UBE2D4: variants seen among roughly 807,000 people sequenced by gnomAD.
The protein encoded by UBE2D4 is ubiquitin-conjugating enzyme E2 D4.
In UBE2D4, 17 loss-of-function variants were observed where a neutral mutation model predicts 23.0. The observed-to-expected ratio is 0.74, with a 90% CI of 0.51 to 1.11. The LOEUF (loss-of-function observed/expected upper bound fraction) is 1.11, where lower values mean the gene tolerates loss of function less well. Among genes scored for constraint, UBE2D4 ranks in the 50% least tolerant of loss-of-function variants. The pLI is 0.00. For synonymous variants in UBE2D4, 61 were observed against 69.4 expected (o/e 0.88, Z 0.60); for missense variants, 139 against 181.8 (o/e 0.76, Z 1.35).
rs909846712 is a variant in UBE2D4, at chr7:43,953,524, A to G, written c.*829A>G. ...GACTAGAACACAAGGAGGGAGAGAG[A>G]CTCTTAAACGTAAATAAAAATGCAA... On this transcript the variant is annotated 3_prime_UTR_variant, in exon 7 of 7. Coordinates refer to ENST00000222402, the MANE Select transcript of UBE2D4 (RefSeq NM_015983.4). 9.0e-6 allele frequency: 2 copies of G among 221,702 alleles called. No homozygotes were observed. Among genetic ancestry groups the G allele is most frequent in the Non-Finnish European group, 1.8e-5 (2 of 108,966 alleles). The allele number at this position is 221,702 out of a possible 1,614,324, so 13.7% of individuals were successfully genotyped here.
At chr7:43,940,432 G>C (rs2095968963) in intron 2 of UBE2D4, among the ~76,000 whole-genome samples, 1 of 152,158 alleles carries the variant, frequency 6.6e-6, no homozygotes. Context: ...ACTAGTTCTT[G>C]TTTAGCCTTA....
intron 1 of UBE2D4, among the ~76,000 whole-genome samples, chr7:43,934,174 C>T (rs139783697): frequency 1.4e-3 from 210 of 152,188 alleles, no homozygotes; most frequent in African/African-American, 4.8e-3. Flanking sequence ...AGGAAGGTAC[C>T]ACCTACCCTC....
chr7:43,935,135 G>T (rs1009426732), intron 1 of UBE2D4, among the ~76,000 whole-genome samples: 1 of 152,116 alleles, frequency 6.6e-6, no homozygotes, highest in African/African-American at 2.4e-5. Context: ...GTCTTTTTAT[G>T]TACATTGTTT....
intron 5 of UBE2D4, among the ~76,000 whole-genome samples, chr7:43,950,349 AG>A (rs1353064599): frequency 7.7e-6 from 1 of 129,782 alleles, no homozygotes; most frequent in Non-Finnish European, 1.7e-5. Context: ...TCAGTGGAGA[AG>A]GGGAATGAGA....
intron 5 of UBE2D4, among the ~76,000 whole-genome samples, chr7:43,949,860 TA>T (rs202087975): frequency 3.9e-5 from 6 of 152,038 alleles, no homozygotes; most frequent in East Asian, 1.9e-4. Flanking sequence ...AGAATTTCTT[TA>T]TTTTTTTTTT....
chr7:43,943,367 C>T (rs942709346), intron 4 of UBE2D4: 7 of 390,566 alleles, frequency 1.8e-5, no homozygotes, highest in South Asian at 4.1e-5. Flanking sequence ...GGTTCTCAGC[C>T]GGGGTGATTT....
At chr7:43,950,366 G>A (rs777698892) in intron 5 of UBE2D4, among the ~76,000 whole-genome samples, 45 of 152,070 alleles carry the variant, frequency 3.0e-4, no homozygotes, top group Non-Finnish European at 5.1e-4. Flanking sequence ...TGAGAACCAG[G>A]ATGCACCCAG....
At chr7:43,940,606 C>T (rs1019971841) in intron 2 of UBE2D4, among the ~76,000 whole-genome samples, 14 of 152,142 alleles carry the variant, frequency 9.2e-5, no homozygotes, top group East Asian at 1.9e-4. Context: ...ATTTCACACC[C>T]GCCTCATGGG....
In UBE2D4 at chr7:43,954,675, G is replaced by A. The variant is rs1197521966; in HGVS notation, c.*1980G>A. 1 of 152,208 alleles carries A rather than the reference G, an allele frequency of 6.6e-6. No homozygotes were observed. The highest frequency in any genetic ancestry group is 1.5e-5 in the Non-Finnish European group (1 of 68,038). 9.4% of individuals were successfully genotyped at this position (152,208 alleles called of 1,614,324 possible). ...GAATGCTGTTACCAGTGTCCTCTAG[G>A]AAGGCTGTTAGCATATGGCTCTACT... On this transcript the variant is annotated 3_prime_UTR_variant, in exon 7 of 7. Transcript: ENST00000222402.
At position 43,953,972 on chromosome 7, in the gene UBE2D4, G is replaced by C. The variant is rs912027579; in HGVS notation, c.*1277G>C. On this transcript the variant is annotated 3_prime_UTR_variant, in exon 7 of 7. Coordinates refer to ENST00000222402, the MANE Select transcript of UBE2D4 (RefSeq NM_015983.4). ...CAGATGGGGCTTTTGCCGGCTGATT[G>C]AAAGGAAGTCTACAGACCTAACATA... 1.3e-5 allele frequency: 2 copies of C among 152,238 alleles called. No homozygotes were observed. The highest frequency in any genetic ancestry group is 2.9e-5 in the Non-Finnish European group (2 of 68,054). The allele number at this position is 152,238 out of a possible 1,614,324, so 9.4% of individuals were successfully genotyped here.
chr7:43,926,674 C>G, intron 1 of UBE2D4, 118 bp downstream of exon 1: 1 of 1,138,510 alleles, frequency 8.8e-7, no homozygotes, highest in South Asian at 1.7e-5. Context: ...ATACACCTGC[C>G]TGGGAAGGAG....
At chr7:43,950,740 GCT>G in intron 6 of UBE2D4, 48 bp downstream of exon 6, 3 of 1,450,590 alleles carry the variant, frequency 2.1e-6, no homozygotes, top group Non-Finnish European at 1.9e-6. Flanking sequence ...GCCCCAGGCA[GCT>G]CCATGCAGTA....
intron 1 of UBE2D4, among the ~76,000 whole-genome samples, chr7:43,932,659 A>T (rs2095948438): frequency 6.6e-6 from 1 of 151,922 alleles, no homozygotes; most frequent in African/African-American, 2.4e-5. Context: ...CGGGCATATT[A>T]GTAGGTGCCT....
chr7:43,926,786 T>C (rs532012013), intron 1 of UBE2D4, among the ~76,000 whole-genome samples: 626 of 152,302 alleles, frequency 4.1e-3, no homozygotes, highest in Non-Finnish European at 7.5e-3. Context: ...GGCTGCGTCA[T>C]GCGGGCGGGG....
chr7:43,945,640 G>A (rs1325075473), intron 4 of UBE2D4, among the ~76,000 whole-genome samples: 2 of 149,290 alleles, frequency 1.3e-5, no homozygotes, highest in African/African-American at 4.8e-5. Flanking sequence ...TCGAAAGTAA[G>A]TTTAAAAAAA....
intron 1 of UBE2D4, among the ~76,000 whole-genome samples, chr7:43,934,996 A>G (rs926371237): frequency 6.6e-6 from 1 of 152,196 alleles, no homozygotes; most frequent in African/African-American, 2.4e-5. Flanking sequence ...CCTTGTTACC[A>G]TGTATTCAGC....
intron 5 of UBE2D4, among the ~76,000 whole-genome samples, chr7:43,950,287 T>C (rs898099807): frequency 7.9e-5 from 12 of 152,170 alleles, no homozygotes; most frequent in Admixed American, 7.2e-4. Flanking sequence ...AGGTTCATGA[T>C]GTAGGGTACA....
At chr7:43,930,391 A>G in intron 1 of UBE2D4, among the ~76,000 whole-genome samples, 1 of 152,208 alleles carries the variant, frequency 6.6e-6, no homozygotes, top group East Asian at 1.9e-4. Flanking sequence ...TCAACCCTTT[A>G]AAAAAATGTT....
intron 1 of UBE2D4, among the ~76,000 whole-genome samples, chr7:43,930,101 T>G (rs949899149): frequency 1.3e-5 from 2 of 152,212 alleles, no homozygotes; most frequent in Admixed American, 1.3e-4. Flanking sequence ...GAAGAACTGA[T>G]AAGAATATTC....
Sources: gnomAD v4.1 joint callset for allele counts (sites outside exome capture counted in the v4.1 genomes callset) on GRCh38, gnomAD v4.1.1 for gene constraint, MANE v1.5 for transcripts, NCBI Gene and HGNC (gene_info 2026-07-23, HGNC 2026-07-21) for gene names.